DTNA: variants seen among roughly 807,000 people sequenced by gnomAD.
DTNA encodes dystrobrevin alpha.
In DTNA, 43 loss-of-function variants were observed where a neutral mutation model predicts 100.7. The ratio of observed to expected loss-of-function variants is 0.43; its 90% CI spans 0.33 to 0.55. The LOEUF (loss-of-function observed/expected upper bound fraction) is 0.55. Ranked by LOEUF, DTNA falls within the 20% of genes least tolerant of loss-of-function variation. DTNA has a pLI of 0.04. For synonymous variants in DTNA, 349 were observed against 347.9 expected, an observed-to-expected ratio of 1.00 and a Z score of -0.04; for missense variants, 798 against 953.9, an observed-to-expected ratio of 0.84 and a Z score of 2.15.
At chr18:34,656,134 T>C (rs1419168234) in intron 1 of DTNA, among the ~76,000 whole-genome samples, 2 of 152,266 alleles carry the variant, frequency 1.3e-5, no homozygotes, top group East Asian at 1.9e-4. Context: ...TATATGATTA[T>C]CAAATGTTAG....
chr18:34,747,100 G>GTATATATATATATATATATATATATA, intron 1 of DTNA, among the ~76,000 whole-genome samples: 1 of 44,620 alleles, frequency 2.2e-5, no homozygotes, highest in African/African-American at 5.4e-5. Flanking sequence ...ATCTATATCT[G>GTATATATATATATATATATATATATA]TATCTATATA....
intron 21 of DTNA, among the ~76,000 whole-genome samples, chr18:34,883,262 G>A (rs578257390): frequency 6.6e-4 from 100 of 151,978 alleles, no homozygotes; most frequent in African/African-American, 2.4e-3. Flanking sequence ...CAGACTTTCT[G>A]TCCAGTGGCC....
chr18:34,771,566 C>T (rs1354104508), intron 3 of DTNA, among the ~76,000 whole-genome samples: 9 of 152,156 alleles, frequency 5.9e-5, no homozygotes, highest in African/African-American at 1.2e-4. Context: ...CTTTCCAAAT[C>T]GCTTCTTCCC....
chr18:34,720,939 G>T (rs1296607395), intron 1 of DTNA, among the ~76,000 whole-genome samples: 1 of 152,198 alleles, frequency 6.6e-6, no homozygotes, highest in Non-Finnish European at 1.5e-5. Flanking sequence ...CTCTGCAAAT[G>T]TTATGTGTAG....
Position 34,582,459 on chromosome 18 carries a change from A to G in DTNA, c.-2+88945A>G, listed in dbSNP as rs182552204. ...TCATAGCTTTTTGGGGATGACATAG[A>G]AAACAGAGGAAGACTACAGCAGCAA... On this transcript the variant is annotated intron_variant, in intron 1 of 19. Transcript: ENST00000283365. 3.3e-5 allele frequency among the ~76,000 whole-genome samples: 5 copies of G among 152,234 alleles called. No individual in the cohort carries two copies. The East Asian group carries it at 7.7e-4, about 24-fold the overall frequency.
chr18:34,557,544 T>C (rs1373067357), intron 1 of DTNA, among the ~76,000 whole-genome samples: 2 of 151,222 alleles, frequency 1.3e-5, no homozygotes, highest in African/African-American at 4.8e-5. Flanking sequence ...AGATGGGTTT[T>C]TGGTGTGGAT....
intron 9 of DTNA, chr18:34,821,455 A>G: frequency 2.2e-6 from 1 of 456,388 alleles, no homozygotes; most frequent in South Asian, 1.5e-5. Flanking sequence ...GAATATCCAT[A>G]GATTCTTTTC....
intron 1 of DTNA, among the ~76,000 whole-genome samples, chr18:34,648,308 G>A (rs979452877): frequency 1.3e-5 from 2 of 152,152 alleles, no homozygotes; most frequent in African/African-American, 4.8e-5. Context: ...AGGAAAGGGG[G>A]TGATGTGATT....
chr18:34,746,650 G>A (rs912094904), intron 1 of DTNA, among the ~76,000 whole-genome samples: 1 of 152,116 alleles, frequency 6.6e-6, no homozygotes, highest in Admixed American at 6.5e-5. Context: ...AGGGACTCTG[G>A]AGGTCCTTTT....
At chr18:34,546,389 T>C (rs1292822880) in intron 1 of DTNA, among the ~76,000 whole-genome samples, 1 of 152,080 alleles carries the variant, frequency 6.6e-6, no homozygotes, top group East Asian at 1.9e-4. Context: ...CCAATCAGTA[T>C]AGTACTGAAA....
At chr18:34,589,479 G>T (rs1358708551) in intron 1 of DTNA, among the ~76,000 whole-genome samples, 2 of 151,862 alleles carry the variant, frequency 1.3e-5, no homozygotes, top group East Asian at 3.9e-4. Context: ...CGTGGTGGTG[G>T]GCACCTGTAG....
Position 34,875,333 on chromosome 18 carries a change from C to G in DTNA, c.1838C>G (p.Pro613Arg), listed in dbSNP as rs145425478. 1.9e-6 allele frequency: 3 copies of G among 1,614,086 alleles called. No individual in the cohort carries two copies. In the African/African-American group the frequency reaches 4.0e-5, roughly 22 times the overall value. The change falls in exon 18 of 23, where the codon CCG becomes CGG. Residue 613 changes from proline to arginine, a missense_variant. By Grantham distance (103) the Pro-to-Arg change is moderately radical. This residue lies in a region of DTNA where 242 missense variants were observed against 238.2 expected (regional missense o/e 1.02). Coordinates refer to ENST00000444659, the MANE Select transcript of DTNA (RefSeq NM_001386795.1). ...CGGTCAGCGTCAGCCTGCTCCACCCCGACGCACACGCCGCAGGACTCCCTC... is the reference window on the plus strand; with the variant it reads ...CGGTCAGCGTCAGCCTGCTCCACCCGGACGCACACGCCGCAGGACTCCCTC... ...PIRSASACST[P>R]THTPQDSLTG...
chr18:34,534,321 A>G, intron 1 of DTNA, among the ~76,000 whole-genome samples: 1 of 152,126 alleles, frequency 6.6e-6, no homozygotes, highest in Non-Finnish European at 1.5e-5. Flanking sequence ...CACTTAAAAT[A>G]GTATTTTTTA....
At chr18:34,798,811 T>C (rs942667484) in intron 4 of DTNA, among the ~76,000 whole-genome samples, 2 of 152,180 alleles carry the variant, frequency 1.3e-5, no homozygotes, top group African/African-American at 4.8e-5. Context: ...CTTACTGACT[T>C]GGCCCTATAT....
chr18:34,652,688 C>A (rs1272534973), intron 1 of DTNA, among the ~76,000 whole-genome samples: 1 of 152,152 alleles, frequency 6.6e-6, no homozygotes, highest in Non-Finnish European at 1.5e-5. Context: ...CTGACATAAT[C>A]TCTTCTAGTT....
intron 1 of DTNA, among the ~76,000 whole-genome samples, chr18:34,589,462 A>G (rs1487786268): frequency 2.0e-5 from 3 of 152,024 alleles, no homozygotes; most frequent in Non-Finnish European, 4.4e-5. Context: ...ACAAAAAATT[A>G]GCTGGGCGTG....
chr18:34,665,528 T>C (rs1305625035), intron 1 of DTNA, among the ~76,000 whole-genome samples: 2 of 152,148 alleles, frequency 1.3e-5, no homozygotes, highest in Non-Finnish European at 2.9e-5. Flanking sequence ...ACCCATTAAC[T>C]CTTCATTTAA....
rs1302999147 is a variant in DTNA, at chr18:34,811,991, G to A, written c.481G>A (p.Val161Met). ...CTCAATGATTTCTGACTCCAGTGGG[G>A]TGATGGTTTATGGACGATATGACCA... ...IFSMISDSSGVMVYGRYDQFL... is the reference protein window; with the variant it reads ...IFSMISDSSGMMVYGRYDQFL... The change falls in exon 6 of 23, where the codon GTG (valine) becomes ATG (methionine). Residue 161 changes from valine to methionine, a missense_variant. Val to Met is a conservative substitution (Grantham distance 21). Transcript: ENST00000444659. 3 of 1,614,022 alleles carry A rather than the reference G, an allele frequency of 1.9e-6. No individual in the cohort carries two copies. The highest frequency in any genetic ancestry group is 1.3e-5 in the African/African-American group (1 of 75,034).
At chr18:34,677,949 A>G (rs35340871) in intron 1 of DTNA, among the ~76,000 whole-genome samples, 4,496 of 152,310 alleles carry the variant, frequency 0.03, 90 homozygotes, top group Non-Finnish European at 0.045. Flanking sequence ...AAAGGAAAGA[A>G]GTATAATTGA....
Sources: gnomAD v4.1 joint callset for allele counts (sites outside exome capture counted in the v4.1 genomes callset) on GRCh38, gnomAD v4.1.1 for gene constraint, gnomAD v4.1.1 regional missense constraint, MANE v1.5 for transcripts, NCBI Gene and HGNC (gene_info 2026-07-23, HGNC 2026-07-21) for gene names.